The following ITGA1 variants were observed in gnomAD, a reference collection of about 807,000 sequenced individuals.
The protein encoded by ITGA1 is integrin subunit alpha 1.
Under a neutral mutation model 145.9 loss-of-function variants are expected in ITGA1, and 85 were observed. The ratio of observed to expected loss-of-function variants is 0.58; its 90% CI spans 0.49 to 0.70. The LOEUF is 0.70. ITGA1 is among the 30% of genes least tolerant of loss of function. ITGA1 has a pLI of 0.00. For missense variants in ITGA1, 1,351 were observed against 1,418.7 expected, an observed-to-expected ratio of 0.95 and a Z score of 0.77; for synonymous variants, 520 against 495.3, an observed-to-expected ratio of 1.05 and a Z score of -0.66.
At chr5:52,817,329 G>A (rs1748792802) in intron 1 of ITGA1, among the ~76,000 whole-genome samples, 1 of 152,112 alleles carries the variant, frequency 6.6e-6, no homozygotes, top group Non-Finnish European at 1.5e-5. Context: ...AGCATTACTA[G>A]CCATTGTGAG....
chr5:52,925,542 CT>C, intron 19 of ITGA1, 55 bp downstream of exon 19: 1 of 1,280,602 alleles, frequency 7.8e-7, no homozygotes, highest in Non-Finnish European at 1.1e-6. Context: ...ACCTGGCCTA[CT>C]TTTCATGCTA....
chr5:52,945,557 G>T (rs1346398496), intron 27 of ITGA1, among the ~76,000 whole-genome samples: 2 of 152,024 alleles, frequency 1.3e-5, no homozygotes, highest in African/African-American at 2.4e-5. Flanking sequence ...AAAATAGAAA[G>T]GTTTGAGTTT....
intron 1 of ITGA1, among the ~76,000 whole-genome samples, chr5:52,832,883 G>T (rs1580053016): frequency 8.0e-6 from 1 of 125,670 alleles, no homozygotes. Context: ...ATTTCATTTT[G>T]TTAAGCCATC....
chr5:52,926,704 C>T (rs1435346139), intron 19 of ITGA1, among the ~76,000 whole-genome samples: 9 of 151,922 alleles, frequency 5.9e-5, no homozygotes, highest in Non-Finnish European at 1.3e-4. Flanking sequence ...AAAATTATTG[C>T]CTGTATCCTC....
intron 1 of ITGA1, among the ~76,000 whole-genome samples, chr5:52,821,693 A>G (rs1748882194): frequency 6.6e-6 from 1 of 152,178 alleles, no homozygotes; most frequent in Non-Finnish European, 1.5e-5. Flanking sequence ...AAGGGCTTAT[A>G]TAATTGGCCC....
intron 1 of ITGA1, among the ~76,000 whole-genome samples, chr5:52,842,957 G>C (rs1028605739): frequency 1.3e-5 from 2 of 152,136 alleles, no homozygotes; most frequent in Non-Finnish European, 2.9e-5. Flanking sequence ...CTCCCAAAGT[G>C]CTGGGATTTC....
intron 1 of ITGA1, 103 bp downstream of exon 1, chr5:52,788,517 G>A: frequency 1.0e-6 from 1 of 1,001,750 alleles, no homozygotes; most frequent in Non-Finnish European, 1.4e-6. Context: ...AAGAGAGAGC[G>A]CCCATCCACT....
chr5:52,940,169 T>C (rs1751033240), intron 26 of ITGA1, among the ~76,000 whole-genome samples: 1 of 152,160 alleles, frequency 6.6e-6, no homozygotes, highest in Admixed American at 6.5e-5. Flanking sequence ...AGAGATATAC[T>C]TTTTTCAATC....
intron 1 of ITGA1, among the ~76,000 whole-genome samples, chr5:52,816,070 C>T (rs1254270927): frequency 6.6e-6 from 1 of 152,124 alleles, no homozygotes; most frequent in East Asian, 1.9e-4. Flanking sequence ...AGGTGACTTA[C>T]TGAAGTTTCC....
chr5:52,792,317 C>T (rs1748257452), intron 1 of ITGA1, among the ~76,000 whole-genome samples: 1 of 152,134 alleles, frequency 6.6e-6, no homozygotes, highest in South Asian at 2.1e-4. Flanking sequence ...CAAAGAATGA[C>T]TCCCAATGGC....
chr5:52,879,288 C>G (rs1470688969), intron 6 of ITGA1, among the ~76,000 whole-genome samples: 2 of 151,556 alleles, frequency 1.3e-5, no homozygotes, highest in African/African-American at 4.8e-5. Context: ...GGAAAATTTT[C>G]AAAGTTCTTT....
At chr5:52,896,214 A>G (rs1303734317) in intron 9 of ITGA1, among the ~76,000 whole-genome samples, 1 of 152,206 alleles carries the variant, frequency 6.6e-6, no homozygotes, top group Non-Finnish European at 1.5e-5. Context: ...ATGCCACTGC[A>G]GCAGGAAGAA....
chr5:52,809,783 G>T (rs182437749), intron 1 of ITGA1, among the ~76,000 whole-genome samples: 1 of 152,104 alleles, frequency 6.6e-6, no homozygotes, highest in Non-Finnish European at 1.5e-5. Flanking sequence ...GATTACAGGC[G>T]TGAGTCACTG....
At chr5:52,874,440 C>A (rs1580073642) in intron 6 of ITGA1, among the ~76,000 whole-genome samples, 1 of 13,566 alleles carries the variant, frequency 7.4e-5, no homozygotes, top group East Asian at 3.1e-3. Flanking sequence ...GTAGCAGAAA[C>A]ATAGCTACTT....
intron 1 of ITGA1, among the ~76,000 whole-genome samples, chr5:52,838,377 A>AT (rs944332335): frequency 6.6e-6 from 1 of 152,030 alleles, no homozygotes; most frequent in African/African-American, 2.4e-5. Flanking sequence ...AGGATGGACA[A>AT]TTTTTTTTAA....
chr5:52,926,238 T>C (rs1162153959), intron 19 of ITGA1, among the ~76,000 whole-genome samples: 2 of 152,176 alleles, frequency 1.3e-5, no homozygotes, highest in Non-Finnish European at 2.9e-5. Flanking sequence ...AGGATATCAC[T>C]TAGAGACATG....
chr5:52,934,714 G>A (rs1402301329), intron 23 of ITGA1, among the ~76,000 whole-genome samples: 1 of 151,722 alleles, frequency 6.6e-6, no homozygotes, highest in Non-Finnish European at 1.5e-5. Context: ...TCAAATAATG[G>A]ATTTAAATAT....
At chr5:52,914,045 G>A (rs1750605504) in intron 14 of ITGA1, among the ~76,000 whole-genome samples, 1 of 151,960 alleles carries the variant, frequency 6.6e-6, no homozygotes, top group East Asian at 1.9e-4. Flanking sequence ...AATTTAATGG[G>A]GTAGCATTTG....
At chr5:52,901,235 T>G (rs1750309451) in intron 11 of ITGA1, among the ~76,000 whole-genome samples, 1 of 152,142 alleles carries the variant, frequency 6.6e-6, no homozygotes, top group Non-Finnish European at 1.5e-5. Flanking sequence ...AGCCAAAAAC[T>G]GTAGATGGCT....
Sources: allele counts gnomAD v4.1 joint callset (sites outside exome capture counted in the v4.1 genomes callset), GRCh38; gene constraint gnomAD v4.1.1; transcripts MANE v1.5; gene names NCBI Gene and HGNC (gene_info 2026-07-23, HGNC 2026-07-21).